The following HEATR1 variants were observed in gnomAD, a reference collection of about 807,000 sequenced individuals.
HEATR1 encodes the protein HEAT repeat-containing protein 1.
A neutral mutation model predicts 248.2 loss-of-function variants in HEATR1; 77 were observed. That is an observed-to-expected ratio of 0.31 (90% confidence interval 0.26 to 0.37). HEATR1 has a LOEUF of 0.37. HEATR1 is among the 10% of genes least tolerant of loss of function. The pLI is 1.00. For synonymous variants in HEATR1, 897 were observed against 923.1 expected (o/e 0.97, Z 0.51); for missense variants, 2,420 against 2,504.9 (o/e 0.97, Z 0.72).
Position 236,559,730 on chromosome 1 carries a change from T to C in HEATR1, c.4754A>G (p.Tyr1585Cys), listed in dbSNP as rs1422749115. The stretch of plus-strand genomic sequence containing the variant: ...AACACCTACCTTATCTAACAGGTCG[T>C]AAGCTTTACTAAGGAGCGCGCGCCA... ...KFWRALLSKAYDLLDKVNALL... is the reference protein window; with the variant it reads ...KFWRALLSKACDLLDKVNALL... Residue 1585 changes from tyrosine (Y) to cysteine (C), a missense_variant, in exon 34 of 45, where the codon TAC (tyrosine) becomes TGC (cysteine). By Grantham distance (194) the Tyr-to-Cys change is radical (BLOSUM62 -2). Transcript: ENST00000366582. The C allele has an allele frequency of 1.4e-5, 23 of 1,613,238 alleles. No individual in the cohort carries two copies. In the East Asian group the frequency reaches 3.3e-4, roughly 23 times the overall value.
At position 236,604,444 on chromosome 1, in the gene HEATR1, A is replaced by T. The variant is rs926709232; in HGVS notation, c.-55T>A. On this transcript the variant is annotated 5_prime_UTR_variant, in exon 1 of 45. Transcript: ENST00000366582. ...TACCTGGAACTGGGAATTTGGGTAT[A>T]TCTTGGAAGGCAACAACTCTTCACA... 1 of 197,944 alleles carries T rather than the reference A, an allele frequency of 5.1e-6. No individual in the cohort carries two copies. The highest frequency in any genetic ancestry group is 1.0e-5 in the Non-Finnish European group (1 of 99,028). The allele number at this position is 197,944 out of a possible 1,614,324, so 12.3% of individuals were successfully genotyped here. A position where few individuals can be genotyped will look rare whatever the true frequency, so the allele number is the denominator to read the frequency against.
intron 12 of HEATR1, among the ~76,000 whole-genome samples, chr1:236,589,045 A>G (rs576701977): frequency 1.3e-5 from 2 of 152,222 alleles, no homozygotes; most frequent in Non-Finnish European, 2.9e-5. Flanking sequence ...AAAATGAAAC[A>G]TGGTATGCAA....
intron 29 of HEATR1, among the ~76,000 whole-genome samples, 184 bp downstream of exon 29, chr1:236,568,812 T>G (rs1488548811): frequency 6.6e-6 from 1 of 151,232 alleles, no homozygotes; most frequent in African/African-American, 2.4e-5. Context: ...GCTTCTTAGC[T>G]TCAATGTTCT....
At chr1:236,597,538 C>T (rs2102797816) in intron 5 of HEATR1, among the ~76,000 whole-genome samples, 1 of 152,274 alleles carries the variant, frequency 6.6e-6, no homozygotes, top group East Asian at 1.9e-4. Context: ...CAGGCGTGAG[C>T]CACCGCACCT....
chr1:236,595,740 A>G lies in HEATR1; in HGVS notation c.957-67T>C. On this transcript the variant is annotated intron_variant, in intron 7 of 44. Transcript: ENST00000366582. The stretch of plus-strand genomic sequence containing the variant: ...TTAGACAATGAGTAACAATATAAGA[A>G]AATATATAATCACTTATCTTACAAA... 2.6e-6 allele frequency: 4 copies of G among 1,525,296 alleles called. No homozygotes were observed. The East Asian group carries it at 6.8e-5, about 26-fold the overall frequency. 94.5% of individuals were successfully genotyped at this position (1,525,296 alleles called of 1,614,324 possible). A position where few individuals can be genotyped will look rare whatever the true frequency, so the allele number is the denominator to read the frequency against.
chr1:236,553,453 C>G, intron 43 of HEATR1, 128 bp downstream of exon 43: 1 of 984,084 alleles, frequency 1.0e-6, no homozygotes, highest in South Asian at 1.9e-5. Flanking sequence ...ACCTCTAGTA[C>G]TGGATGACAA....
At chr1:236,583,606 C>T (rs1468046880) in intron 17 of HEATR1, among the ~76,000 whole-genome samples, 1 of 151,670 alleles carries the variant, frequency 6.6e-6, no homozygotes, top group Non-Finnish European at 1.5e-5. Flanking sequence ...ACTGCTTCAG[C>T]CTCCCGAGTA....
At position 236,585,084 on chromosome 1, in the gene HEATR1, T is replaced by C. The variant is rs761698721; in HGVS notation, c.2182A>G (p.Arg728Gly). The change falls in exon 17 of 45, where the codon AGA (arginine) becomes GGA (glycine). Residue 728 changes from arginine to glycine, a missense_variant. Arg to Gly is a moderately radical substitution (Grantham distance 125). Coordinates refer to ENST00000366582, the MANE Select transcript of HEATR1 (RefSeq NM_018072.6). ...TTTTTCTGCAACAAACTGAAGACTC[T>C]TATCGCAAATGGAAAGTGGGTTTCT... ...LKETHFPFAI[R>G]VFSLLQKKIK... is the part of the protein sequence containing the mutation. 19 of 1,614,066 alleles carry C rather than the reference T, an allele frequency of 1.2e-5. No homozygotes were observed. The highest frequency in any genetic ancestry group is 1.6e-4 in the Middle Eastern group (1 of 6,062).
chr1:236,554,470 A>T, intron 42 of HEATR1, 128 bp downstream of exon 42: 1 of 787,222 alleles, frequency 1.3e-6, no homozygotes, highest in Non-Finnish European at 2.1e-6. Context: ...ACATTTCATT[A>T]AAAAGACCAG....
chr1:236,549,233 T>C lies in HEATR1; in HGVS notation c.*1669A>G, dbSNP rs1662598176. On this transcript the variant is annotated 3_prime_UTR_variant, in exon 45 of 45. Coordinates refer to ENST00000366582, the MANE Select transcript of HEATR1 (RefSeq NM_018072.6). ...CTGAGATCAAAGCACTCTTCCACTTTACGTGATTAAAATCAAACCTGTATC... is the reference window on the plus strand; with the variant it reads ...CTGAGATCAAAGCACTCTTCCACTTCACGTGATTAAAATCAAACCTGTATC... 3 of 366,388 alleles carry C rather than the reference T, an allele frequency of 8.2e-6. No homozygotes were observed. In the East Asian group the frequency reaches 1.2e-4, roughly 14 times the overall value. The allele number at this position is 366,388 out of a possible 1,614,324, so 22.7% of individuals were successfully genotyped here.
intron 19 of HEATR1, 144 bp downstream of exon 19, chr1:236,582,592 G>A (rs1353927783): frequency 2.6e-6 from 2 of 758,290 alleles, no homozygotes; most frequent in East Asian, 2.6e-5. Context: ...TAGTAGAAAT[G>A]GAGTTTCACT....
At chr1:236,603,139 T>G (rs1664370292) in intron 3 of HEATR1, 21 bp downstream of exon 3, 1 of 1,571,664 alleles carries the variant, frequency 6.4e-7, no homozygotes, top group Non-Finnish European at 8.8e-7. Context: ...CCATAGTTAT[T>G]TCTGTAATTC....
At position 236,555,456 on chromosome 1, in the gene HEATR1, A is replaced by G. The variant is rs1558176676; in HGVS notation, c.5763T>C (p.Asp1921=). 2 of 1,614,230 alleles carry G rather than the reference A, an allele frequency of 1.2e-6. No individual in the cohort carries two copies. Among genetic ancestry groups the G allele is most frequent in the Non-Finnish European group, 1.7e-6 (2 of 1,180,036 alleles). ...TFRPLFFKLF[D]WAKTEDAPKD... Reference sequence around the variant, plus strand: ...TTGGGGCATCTTCTGTTTTAGCCCAATCAAACAGCTGAAAGGATAAGACAG... The same window carrying G: ...TTGGGGCATCTTCTGTTTTAGCCCAGTCAAACAGCTGAAAGGATAAGACAG... Residue 1921 remains aspartate (D), a synonymous_variant, in exon 41 of 45, where the codon GAT becomes GAC. Transcript: ENST00000366582.
In HEATR1 at chr1:236,566,432, C is replaced by A. The variant is rs949079044; in HGVS notation, c.4308+214G>T. Among the ~76,000 whole-genome samples the A allele has an allele frequency of 3.8e-3, 571 of 151,776 alleles. 4 individuals are homozygous for A. Among genetic ancestry groups the A allele is most frequent in the Non-Finnish European group, 6.7e-3 (453 of 67,918 alleles). ...TTTCTCAGAAAAGTTAATTCGCCTT[C>A]AGATGTTTTGCTGCAACTGAGGATA... On this transcript the variant is annotated intron_variant, in intron 30 of 44. Transcript: ENST00000366582.
intron 31 of HEATR1, 66 bp from the exon 32 acceptor site, chr1:236,564,727 G>A: frequency 7.0e-7 from 1 of 1,422,762 alleles, no homozygotes; most frequent in Non-Finnish European, 9.6e-7. Context: ...AGAATTAACA[G>A]ATATAACCTT....
intron 26 of HEATR1, among the ~76,000 whole-genome samples, chr1:236,572,130 T>C (rs1421242569): frequency 4.6e-5 from 7 of 152,128 alleles, no homozygotes; most frequent in Non-Finnish European, 1.0e-4. Flanking sequence ...ACACTATATC[T>C]TGAAATGCAA....
chr1:236,594,143 G>T, intron 8 of HEATR1, 29 bp from the exon 9 acceptor site: 1 of 1,414,086 alleles, frequency 7.1e-7, no homozygotes, highest in South Asian at 1.3e-5. Context: ...AAATTGTGTT[G>T]GGAAAAATTT....
chr1:236,592,893 T>C (rs10802549), intron 9 of HEATR1, among the ~76,000 whole-genome samples: 93,221 of 151,936 alleles, frequency 0.61, 30,344 homozygotes, highest in East Asian at 0.72. Flanking sequence ...CTGAACAACA[T>C]AGTAAGACTA....
In HEATR1 at chr1:236,595,942, C is replaced by T; in HGVS notation, c.847G>A (p.Ala283Thr). ...TMENTFVNSLASQIIKTLTKI... is the reference protein window; with the variant it reads ...TMENTFVNSLTSQIIKTLTKI... ...GTCAATGTTTTGATGATCTGTGATG[C>T]CAATGAATTCACAAAGGTATTTTCC... Residue 283 changes from alanine (A) to threonine (T), a missense_variant, in exon 7 of 45, where the codon GCA becomes ACA. By Grantham distance (58) the Ala-to-Thr change is moderately conservative (BLOSUM62 0). Coordinates refer to ENST00000366582, the MANE Select transcript of HEATR1 (RefSeq NM_018072.6). 3.1e-6 allele frequency: 5 copies of T among 1,613,372 alleles called. No individual in the cohort carries two copies. The highest frequency in any genetic ancestry group is 4.2e-6 in the Non-Finnish European group (5 of 1,179,410).
Sources: allele counts gnomAD v4.1 joint callset (sites outside exome capture counted in the v4.1 genomes callset), GRCh38; gene constraint gnomAD v4.1.1; transcripts MANE v1.5; gene names NCBI Gene and HGNC (gene_info 2026-07-23, HGNC 2026-07-21).